Variants in TEAD1 observed in about 807,000 individuals in gnomAD.
TEAD1 encodes transcriptional enhancer factor TEF-1.
Under a neutral mutation model 54.9 loss-of-function variants are expected in TEAD1, and 9 were observed. That is an observed-to-expected ratio of 0.16 (90% CI 0.10 to 0.29). The LOEUF is 0.29. Among genes scored for constraint, TEAD1 ranks in the 10% least tolerant of loss-of-function variants. The probability of loss-of-function intolerance (pLI) is 1.00; values close to 1 mark genes in which losing one functional copy is unlikely to be tolerated. For missense variants in TEAD1, 387 were observed against 535.9 expected (o/e 0.72, Z 2.74); for synonymous variants, 200 against 187.8 (o/e 1.07, Z -0.53).
chr11:12,722,296 G>A (rs922234898), intron 2 of TEAD1, among the ~76,000 whole-genome samples: 3 of 152,186 alleles, frequency 2.0e-5, no homozygotes, highest in Admixed American at 2.0e-4. Context: ...GTAAATGGAT[G>A]CTGTTCCTAC....
At chr11:12,859,406 G>C (rs558438459) in intron 3 of TEAD1, among the ~76,000 whole-genome samples, 9 of 151,788 alleles carry the variant, frequency 5.9e-5, no homozygotes, top group African/African-American at 2.2e-4. Flanking sequence ...AAATAGCCCT[G>C]AACAGGATGC....
Position 12,878,195 on chromosome 11 carries a change from G to A in TEAD1, c.331-1513G>A, listed in dbSNP as rs759089751. Among the ~76,000 whole-genome samples, 102 of 151,912 alleles carry A rather than the reference G, an allele frequency of 6.7e-4. 1 individual carries two copies. The highest frequency in any genetic ancestry group is 3.4e-4 in the Non-Finnish European group (23 of 67,994). Reference sequence around the variant, plus strand: ...CACATTGTCTTCCTGACAGTTATAGGGCAAAGTAGTATCTACACCCTGGGA... The same window carrying A: ...CACATTGTCTTCCTGACAGTTATAGAGCAAAGTAGTATCTACACCCTGGGA... On this transcript the variant is annotated intron_variant, in intron 5 of 12. Transcript: ENST00000527636.
At chr11:12,771,451 T>G (rs993811670) in intron 3 of TEAD1, among the ~76,000 whole-genome samples, 9 of 152,108 alleles carry the variant, frequency 5.9e-5, no homozygotes, top group Non-Finnish European at 1.0e-4. Flanking sequence ...GTTTCAGAGA[T>G]AAAACCAACA....
chr11:12,880,926 G>A (rs1657870822), intron 6 of TEAD1, 79 bp from the exon 7 acceptor site: 2 of 1,493,690 alleles, frequency 1.3e-6, no homozygotes, highest in Non-Finnish European at 1.9e-6. Flanking sequence ...CTTTTAGCAG[G>A]GGTTGTGATG....
intron 9 of TEAD1, among the ~76,000 whole-genome samples, chr11:12,892,896 A>G (rs1437777113): frequency 6.6e-6 from 1 of 152,138 alleles, no homozygotes; most frequent in African/African-American, 2.4e-5. Context: ...AGGGCTTGGA[A>G]GTGATCTCAT....
At chr11:12,732,049 A>G (rs1220290117) in intron 2 of TEAD1, among the ~76,000 whole-genome samples, 3 of 151,926 alleles carry the variant, frequency 2.0e-5, no homozygotes, top group African/African-American at 7.3e-5. Context: ...AGTCTCTCAT[A>G]TGATCTTCTC....
chr11:12,814,920 C>T (rs1267490233), intron 3 of TEAD1, among the ~76,000 whole-genome samples: 1 of 151,972 alleles, frequency 6.6e-6, no homozygotes, highest in African/African-American at 2.4e-5. Flanking sequence ...TCAGTGAATG[C>T]TGCCTCCACG....
At chr11:12,698,872 AC>A (rs772394748) in intron 2 of TEAD1, among the ~76,000 whole-genome samples, 1 of 151,996 alleles carries the variant, frequency 6.6e-6, no homozygotes, top group Non-Finnish European at 1.5e-5. Flanking sequence ...AATTTCACAT[AC>A]TCTTTCCAGG....
intron 3 of TEAD1, among the ~76,000 whole-genome samples, chr11:12,844,424 A>G (rs1045062736): frequency 2.4e-4 from 37 of 152,164 alleles, no homozygotes; most frequent in African/African-American, 8.4e-4. Flanking sequence ...TGAGGGGATG[A>G]TGGTAAAATC....
chr11:12,797,094 C>CAG (rs55848840), intron 3 of TEAD1, among the ~76,000 whole-genome samples: 142,813 of 152,154 alleles, frequency 0.94, 67,703 homozygotes, highest in East Asian at 1. Context: ...GCCTGGGAAA[C>CAG]AGCAAGACTC....
In TEAD1 at chr11:12,735,349, A is replaced by G. The variant is rs374260749; in HGVS notation, c.-54-28830A>G. ...CATTAGGGGAAGGGCTTCCTGGAGG[A>G]TTCGAGAAGGGCAAGGAAGAAGTGG... On this transcript the variant is annotated intron_variant, in intron 2 of 12. Transcript: ENST00000527636. Among the ~76,000 whole-genome samples the G allele has an allele frequency of 3.3e-5, 5 of 152,214 alleles. No homozygotes were observed. The South Asian group carries it at 8.3e-4, about 25-fold the overall frequency.
At chr11:12,719,175 T>G (rs1295623680) in intron 2 of TEAD1, among the ~76,000 whole-genome samples, 1 of 151,962 alleles carries the variant, frequency 6.6e-6, no homozygotes, top group Non-Finnish European at 1.5e-5. Flanking sequence ...CAGCCTGTGT[T>G]TAGCTGACTC....
chr11:12,770,488 A>G (rs1564933803), intron 3 of TEAD1, among the ~76,000 whole-genome samples: 1 of 152,232 alleles, frequency 6.6e-6, no homozygotes, highest in South Asian at 2.1e-4. Flanking sequence ...GGGACAACAG[A>G]CATAAAATAA....
chr11:12,806,912 C>A (rs1375670006), intron 3 of TEAD1, among the ~76,000 whole-genome samples: 2 of 152,016 alleles, frequency 1.3e-5, no homozygotes, highest in African/African-American at 4.8e-5. Context: ...AGGTTGGCTC[C>A]CATAGGCAAA....
At chr11:12,845,892 C>T (rs1330101658) in intron 3 of TEAD1, among the ~76,000 whole-genome samples, 1 of 152,222 alleles carries the variant, frequency 6.6e-6, no homozygotes, top group African/African-American at 2.4e-5. Flanking sequence ...CAGCATACCA[C>T]ACAGGAAAGA....
chr11:12,917,661 T>C (rs1452821354), intron 10 of TEAD1, among the ~76,000 whole-genome samples: 3 of 152,212 alleles, frequency 2.0e-5, no homozygotes, highest in Non-Finnish European at 2.9e-5. Context: ...TATTTAGCTT[T>C]AAGGCAGTGC....
At position 12,678,604 on chromosome 11, in the gene TEAD1, C is replaced by T. The variant is rs76922015; in HGVS notation, c.-55+3043C>T. On this transcript the variant is annotated intron_variant, in intron 2 of 12. Coordinates refer to ENST00000527636, the MANE Select transcript of TEAD1 (RefSeq NM_021961.6). ...CATGGTTGAGCTTTTTGACAGACAC[C>T]TTATTTAGACCTTGTTGTATTGCAA... is the stretch of plus-strand genomic sequence containing the variant. 7.8e-3 allele frequency among the ~76,000 whole-genome samples: 1,185 copies of T among 152,256 alleles called. 19 individuals are homozygous for T. The highest frequency in any genetic ancestry group is 0.027 in the African/African-American group (1,134 of 41,530).
At chr11:12,838,375 C>A (rs1170430124) in intron 3 of TEAD1, among the ~76,000 whole-genome samples, 1 of 152,134 alleles carries the variant, frequency 6.6e-6, no homozygotes, top group Non-Finnish European at 1.5e-5. Context: ...GAAAACCAAC[C>A]TTTACTTTTC....
intron 2 of TEAD1, among the ~76,000 whole-genome samples, chr11:12,726,108 G>C (rs1259537134): frequency 6.6e-6 from 1 of 152,162 alleles, no homozygotes; most frequent in Non-Finnish European, 1.5e-5. Flanking sequence ...CAGATGACAC[G>C]GCTGAGCAGG....
Sources: allele counts gnomAD v4.1 joint callset (sites outside exome capture counted in the v4.1 genomes callset), GRCh38; gene constraint gnomAD v4.1.1; transcripts MANE v1.5; gene names NCBI Gene and HGNC (gene_info 2026-07-23, HGNC 2026-07-21).